Variants in CYP4F12 observed in about 807,000 individuals in gnomAD.
The protein encoded by CYP4F12 is cytochrome P450 4F12.
Under a neutral mutation model 56.5 loss-of-function variants are expected in CYP4F12, and 60 were observed. That is an observed-to-expected ratio of 1.06 (90% CI 0.86 to 1.32). CYP4F12 has a LOEUF of 1.32. Among genes scored for constraint, CYP4F12 ranks in the 40% most tolerant of loss-of-function variants. The pLI, the probability that CYP4F12 is intolerant of heterozygous loss-of-function variation, is 0.00. For synonymous variants in CYP4F12, 263 were observed against 264.9 expected, an observed-to-expected ratio of 0.99 and a Z score of 0.07; for missense variants, 711 against 683.5, an observed-to-expected ratio of 1.04 and a Z score of -0.45.
At chr19:15,696,130 C>G in intron 10 of CYP4F12, 31 bp from the exon 11 acceptor site, 1 of 1,612,376 alleles carries the variant, frequency 6.2e-7, no homozygotes, top group Non-Finnish European at 8.5e-7. Context: ...TCAGGGGATC[C>G]TTGTCCTGAC....
rs367934794 is a variant in CYP4F12 at position 15,680,333 on chromosome 19, C to T, written c.397+36C>T. The T allele has an allele frequency of 2.0e-4, 324 of 1,613,388 alleles. No homozygotes were observed. The African/African-American group carries it at 3.9e-3, about 19-fold the overall frequency. ...GCAGGTGAAAGGGGTTGGGGACAAC[C>T]TTGCGGGGAGGGTAGGGGAAGTGCT... On this transcript the variant is annotated intron_variant, in intron 4 of 12. Transcript: ENST00000550308.
chr19:15,684,047 T>G (rs538330810), intron 7 of CYP4F12: 1 of 223,412 alleles, frequency 4.5e-6, no homozygotes, highest in African/African-American at 2.3e-5. Context: ...TTTGTCTATG[T>G]CTGTATCTAT....
intron 7 of CYP4F12, 38 bp from the exon 8 acceptor site, chr19:15,684,778 G>GTA: frequency 7.0e-7 from 1 of 1,421,334 alleles, no homozygotes. Context: ...GTGTGTGTGT[G>GTA]TGTGTGTGTG....
intron 9 of CYP4F12, among the ~76,000 whole-genome samples, chr19:15,695,110 C>G (rs1032790488): frequency 5.9e-5 from 9 of 152,070 alleles, no homozygotes; most frequent in African/African-American, 2.2e-4. Context: ...CCCAAATGTC[C>G]AACAATGATA....
chr19:15,684,785 T>C, intron 7 of CYP4F12, 31 bp from the exon 8 acceptor site: 3 of 1,550,788 alleles, frequency 1.9e-6, no homozygotes, highest in Non-Finnish European at 2.7e-6. Context: ...TGTGTGTGTG[T>C]GTGTGTGTGT....
At chr19:15,690,615 T>C (rs1428503987) in intron 9 of CYP4F12, among the ~76,000 whole-genome samples, 1 of 152,234 alleles carries the variant, frequency 6.6e-6, no homozygotes, top group South Asian at 2.1e-4. Flanking sequence ...CTTAGCATAA[T>C]GTCCTTTAGG....
At chr19:15,680,653 T>C (rs763048040) in intron 5 of CYP4F12, 134 bp downstream of exon 5, 2 of 1,186,366 alleles carry the variant, frequency 1.7e-6, no homozygotes, top group African/African-American at 1.5e-5. Flanking sequence ...GGTTTCCTCA[T>C]CTGTAAAATG....
chr19:15,695,517 C>A lies in CYP4F12; in HGVS notation c.1116-419C>A, dbSNP rs367774965. Among the ~76,000 whole-genome samples, 17 of 130,756 alleles carry A rather than the reference C, an allele frequency of 1.3e-4. No individual in the cohort carries two copies. In the South Asian group the frequency reaches 1.4e-3, roughly 11 times the overall value. The allele number at this position is 130,756 out of a possible 152,430, so 85.8% of individuals were successfully genotyped here. ...TATAATAATAATAAAAAAAAAAAAA[C>A]AAATTGCATGACTCTCCTTTTTTCC... On this transcript the variant is annotated intron_variant, in intron 9 of 12. Coordinates refer to ENST00000550308, the MANE Select transcript of CYP4F12 (RefSeq NM_023944.4).
chr19:15,679,581 T>G (rs1041324644), intron 3 of CYP4F12, among the ~76,000 whole-genome samples: 2 of 152,214 alleles, frequency 1.3e-5, no homozygotes, highest in Non-Finnish European at 2.9e-5. Context: ...TCGAGGACAC[T>G]TGGGGCATGT....
At chr19:15,680,915 C>T in intron 5 of CYP4F12, 1 of 331,912 alleles carries the variant, frequency 3.0e-6, no homozygotes, top group South Asian at 2.4e-5. Context: ...TCACTCTTGG[C>T]ACATGAGCAG....
At chr19:15,686,056 C>T (rs1254418704) in intron 9 of CYP4F12, among the ~76,000 whole-genome samples, 2 of 152,180 alleles carry the variant, frequency 1.3e-5, no homozygotes, top group African/African-American at 4.8e-5. Context: ...CAGGTACTCC[C>T]AGCCTAGTAG....
intron 9 of CYP4F12, among the ~76,000 whole-genome samples, chr19:15,693,041 G>A (rs950523283): frequency 1.3e-5 from 2 of 152,162 alleles, no homozygotes; most frequent in African/African-American, 2.4e-5. Context: ...TTGTGTCACT[G>A]CACTCCAGCC....
intron 9 of CYP4F12, among the ~76,000 whole-genome samples, chr19:15,690,106 A>T (rs1315352905): frequency 1.3e-5 from 2 of 152,236 alleles, no homozygotes; most frequent in Non-Finnish European, 2.9e-5. Context: ...TTGAAATAAA[A>T]GGAAGTAAAG....
chr19:15,696,798 C>T lies in CYP4F12; in HGVS notation c.1398-110C>T, dbSNP rs1600021163. On this transcript the variant is annotated intron_variant, in intron 12 of 12. Coordinates refer to ENST00000550308, the MANE Select transcript of CYP4F12 (RefSeq NM_023944.4). ...CCAGGCACGCTTAGTCTTTCTCTCTCTCTCTCAGGCTGAGCTGGGTGCAGT... is the reference window on the plus strand; with the variant it reads ...CCAGGCACGCTTAGTCTTTCTCTCTTTCTCTCAGGCTGAGCTGGGTGCAGT... 4 of 1,386,848 alleles carry T rather than the reference C, an allele frequency of 2.9e-6. No homozygotes were observed. The Admixed American group carries it at 8.1e-5, about 28-fold the overall frequency. The allele number at this position is 1,386,848 out of a possible 1,614,324, so 85.9% of individuals were successfully genotyped here. A position where few individuals can be genotyped will look rare whatever the true frequency, so the allele number is the denominator to read the frequency against.
intron 9 of CYP4F12, 142 bp from the exon 10 acceptor site, chr19:15,695,794 C>T (rs975413880): frequency 7.4e-5 from 93 of 1,263,484 alleles, no homozygotes; most frequent in Non-Finnish European, 4.4e-5. Context: ...TAATTGTTTT[C>T]TGCTTTTTAA....
In CYP4F12 at chr19:15,684,894, AGT is replaced by A. The variant is rs1341271309; in HGVS notation, c.985+16_985+17del. The A allele has an allele frequency of 1.3e-6, 2 of 1,598,524 alleles. No homozygotes were observed. The highest frequency in any genetic ancestry group is 1.7e-5 in the Admixed American group (1 of 59,302). On this transcript the variant is annotated intron_variant, in intron 8 of 12. Transcript: ENST00000550308. ...CTTCATGTTTGGAGGTGAGGGTCCC[AGT>A]GTGGGACTACAGTGGAGACAGAGGT...
In CYP4F12 at chr19:15,696,992, C is replaced by T; in HGVS notation, c.1482C>T (p.Asp494=). The T allele has an allele frequency of 6.2e-7, 1 of 1,614,236 alleles. No homozygotes were observed. The highest frequency in any genetic ancestry group is 8.5e-7 in the Non-Finnish European group (1 of 1,180,042). ...TGCTGCACTTCCGGTTCCTGCCAGACCACACTGAGCCCCGCAGGAAGCTGG... is the reference window on the plus strand; with the variant it reads ...TGCTGCACTTCCGGTTCCTGCCAGATCACACTGAGCCCCGCAGGAAGCTGG... ...LMLLHFRFLP[D]HTEPRRKLEL... The change falls in exon 13 of 13, where the codon GAC becomes GAT. Residue 494 remains aspartate, a synonymous_variant. Transcript: ENST00000550308.
intron 2 of CYP4F12, 99 bp downstream of exon 2, chr19:15,673,826 G>T: frequency 7.3e-7 from 1 of 1,376,474 alleles, no homozygotes; most frequent in African/African-American, 1.4e-5. Context: ...TGGTGGCTGG[G>T]GTCTGCGACC....
At chr19:15,682,282 G>C in intron 5 of CYP4F12, 107 bp from the exon 6 acceptor site, 2 of 1,470,684 alleles carry the variant, frequency 1.4e-6, no homozygotes, top group Non-Finnish European at 1.8e-6. Context: ...TCCTGGGGCA[G>C]AGGACCAGGA....
Sources: gnomAD v4.1 joint callset for allele counts (sites outside exome capture counted in the v4.1 genomes callset) on GRCh38, gnomAD v4.1.1 for gene constraint, MANE v1.5 for transcripts, NCBI Gene and HGNC (gene_info 2026-07-23, HGNC 2026-07-21) for gene names.